Variants in AGBL1 observed in about 807,000 individuals in gnomAD.
AGBL1 encodes cytosolic carboxypeptidase 4.
AGBL1 carries 130 observed loss-of-function variants against 118.9 expected under a neutral mutation model. That is an observed-to-expected ratio of 1.09 (90% CI 0.95 to 1.26). The LOEUF (loss-of-function observed/expected upper bound fraction) is 1.26, where lower values mean the gene tolerates loss of function less well. Among genes scored for constraint, AGBL1 ranks in the 50% most tolerant of loss-of-function variants. The pLI is 0.00. For synonymous variants in AGBL1, 555 were observed against 478.9 expected (o/e 1.16, Z -2.08); for missense variants, 1,584 against 1,298.1 (o/e 1.22, Z -3.38).
At chr15:86,575,623 C>G (rs1157769659) in intron 21 of AGBL1, among the ~76,000 whole-genome samples, 1 of 152,138 alleles carries the variant, frequency 6.6e-6, no homozygotes. Context: ...AGATCTCTCT[C>G]TGTCACCCAG....
chr15:86,154,448 A>C lies in AGBL1; in HGVS notation c.281A>C (p.Lys94Thr). ...VGLRDKKIGR[K>T]ALELEALDVT... ...TTCTTAGATAAAAAGATTGGACGGAAGGCCCTAGAATTGGAAGCACTTGAT... is the reference window on the plus strand; with the variant it reads ...TTCTTAGATAAAAAGATTGGACGGACGGCCCTAGAATTGGAAGCACTTGAT... The change falls in exon 4 of 23, where the codon AAG becomes ACG. Residue 94 changes from lysine (K) to threonine (T), a missense_variant. Transcript: ENST00000614907. 6.2e-7 allele frequency: 1 copy of C among 1,612,608 alleles called. No individual in the cohort carries two copies. Among genetic ancestry groups the C allele is most frequent in the Non-Finnish European group, 8.5e-7 (1 of 1,179,318 alleles).
intron 17 of AGBL1, among the ~76,000 whole-genome samples, chr15:86,325,350 G>T (rs965119488): frequency 1.3e-5 from 2 of 152,152 alleles, no homozygotes; most frequent in South Asian, 2.1e-4. Flanking sequence ...TTAAGCAGGA[G>T]GAACTAGTTG....
chr15:86,293,252 T>TA (rs1481182974), intron 16 of AGBL1, among the ~76,000 whole-genome samples: 11 of 152,100 alleles, frequency 7.2e-5, no homozygotes, highest in African/African-American at 2.2e-4. Context: ...GTACTTTTTT[T>TA]AAAAAAAATT....
At chr15:86,262,251 A>G (rs1260071727) in intron 9 of AGBL1, among the ~76,000 whole-genome samples, 2 of 151,898 alleles carry the variant, frequency 1.3e-5, no homozygotes, top group African/African-American at 4.8e-5. Context: ...TCATTTGTTT[A>G]CTTTCTTCTT....
In AGBL1 at chr15:86,964,716, C is replaced by A. The variant is rs1001101110; in HGVS notation, c.3222-23271C>A. Among the ~76,000 whole-genome samples, 7 of 151,466 alleles carry A rather than the reference C, an allele frequency of 4.6e-5. 1 individual carries two copies. The highest frequency in any genetic ancestry group is 8.8e-5 in the Non-Finnish European group (6 of 67,934). On this transcript the variant is annotated intron_variant, in intron 23 of 24. Coordinates refer to the AGBL1 transcript ENST00000441037. ...GGTTTGTTACATAGGTATACACGTGCAATGGTGTTTTGCTGCACCCATCAA... is the reference window on the plus strand; with the variant it reads ...GGTTTGTTACATAGGTATACACGTGAAATGGTGTTTTGCTGCACCCATCAA...
chr15:86,800,669 C>G (rs1273616313), intron 22 of AGBL1, among the ~76,000 whole-genome samples: 2 of 152,102 alleles, frequency 1.3e-5, no homozygotes, highest in African/African-American at 4.8e-5. Context: ...GTGCTAAGTT[C>G]AAGCATGAGC....
chr15:86,500,838 C>T (rs2082909774), intron 18 of AGBL1, among the ~76,000 whole-genome samples: 1 of 151,692 alleles, frequency 6.6e-6, no homozygotes, highest in Non-Finnish European at 1.5e-5. Context: ...TATTTTGTTT[C>T]TTTCTATGGC....
intron 22 of AGBL1, among the ~76,000 whole-genome samples, chr15:86,901,921 C>T (rs907893833): frequency 1.3e-5 from 2 of 152,058 alleles, no homozygotes; most frequent in African/African-American, 2.4e-5. Context: ...AACAGCAAAA[C>T]TATTAATATC....
At chr15:86,774,496 A>G (rs2058020464) in intron 22 of AGBL1, among the ~76,000 whole-genome samples, 1 of 152,104 alleles carries the variant, frequency 6.6e-6, no homozygotes, top group Non-Finnish European at 1.5e-5. Context: ...ATTGAATGAA[A>G]CAGAGTATCT....
intron 17 of AGBL1, among the ~76,000 whole-genome samples, chr15:86,323,617 T>C (rs2080138908): frequency 6.6e-6 from 1 of 152,226 alleles, no homozygotes; most frequent in African/African-American, 2.4e-5. Context: ...AAATCCTGCT[T>C]GCCCTTTGGT....
intron 20 of AGBL1, among the ~76,000 whole-genome samples, chr15:86,551,753 A>G (rs2083665942): frequency 6.6e-6 from 1 of 152,186 alleles, no homozygotes; most frequent in Admixed American, 6.5e-5. Flanking sequence ...TCACAAGAAA[A>G]GACAGCTACA....
At chr15:86,191,369 A>AAAAAAG (rs1247744212) in intron 5 of AGBL1, among the ~76,000 whole-genome samples, 32 of 145,092 alleles carry the variant, frequency 2.2e-4, no homozygotes, top group South Asian at 6.9e-4. Context: ...AAAAAAAAAA[A>AAAAAAG]AGAGAGAGAG....
At chr15:86,554,191 T>A (rs1389815940) in intron 20 of AGBL1, among the ~76,000 whole-genome samples, 170 bp from the exon 21 acceptor site, 1 of 152,160 alleles carries the variant, frequency 6.6e-6, no homozygotes, top group Non-Finnish European at 1.5e-5. Context: ...TGTTTCCTCA[T>A]CTGCAAAATG....
chr15:86,482,374 G>T (rs1196673350), intron 18 of AGBL1, among the ~76,000 whole-genome samples: 1 of 152,128 alleles, frequency 6.6e-6, no homozygotes, highest in Non-Finnish European at 1.5e-5. Flanking sequence ...CCTCTGCCAT[G>T]CTTTATCCCC....
At chr15:86,254,237 T>A (rs1190587372) in intron 7 of AGBL1, among the ~76,000 whole-genome samples, 1 of 152,248 alleles carries the variant, frequency 6.6e-6, no homozygotes, top group Non-Finnish European at 1.5e-5. Flanking sequence ...CACTGGCTAA[T>A]ACTAAATGCT....
At chr15:86,392,317 A>G (rs1417920965) in intron 17 of AGBL1, among the ~76,000 whole-genome samples, 6 of 152,106 alleles carry the variant, frequency 3.9e-5, no homozygotes, top group Admixed American at 3.9e-4. Flanking sequence ...TATTTCCTGA[A>G]CTAGTTTCCT....
intron 17 of AGBL1, among the ~76,000 whole-genome samples, chr15:86,347,646 A>G (rs898734121): frequency 1.3e-5 from 2 of 152,238 alleles, no homozygotes; most frequent in African/African-American, 4.8e-5. Flanking sequence ...TATATTTTCT[A>G]TAAAATGCTC....
At chr15:86,567,528 A>G (rs1181731194) in intron 21 of AGBL1, among the ~76,000 whole-genome samples, 2 of 152,232 alleles carry the variant, frequency 1.3e-5, no homozygotes, top group Non-Finnish European at 1.5e-5. Flanking sequence ...ACAGATTTAA[A>G]TTTCTCCAAG....
At chr15:86,140,058 T>A in intron 1 of AGBL1, 1 of 189,910 alleles carries the variant, frequency 5.3e-6, no homozygotes, top group African/African-American at 2.3e-5. Context: ...ACAGCGCCCC[T>A]GGTGGTCAGG....
Sources: gnomAD v4.1 joint callset for allele counts (sites outside exome capture counted in the v4.1 genomes callset) on GRCh38, gnomAD v4.1.1 for gene constraint, MANE v1.5 for transcripts, NCBI Gene and HGNC (gene_info 2026-07-23, HGNC 2026-07-21) for gene names.